Variants in ZC3H13 observed in about 807,000 individuals in gnomAD.
ZC3H13 encodes zinc finger CCCH domain-containing protein 13.
A neutral mutation model predicts 204.1 loss-of-function variants in ZC3H13; 64 were observed. That is an observed-to-expected ratio of 0.31 (90% confidence interval 0.26 to 0.39). The LOEUF is 0.39. Among genes scored for constraint, ZC3H13 ranks in the 10% least tolerant of loss-of-function variants. ZC3H13 has a pLI of 1.00. For synonymous variants in ZC3H13, 667 were observed against 693.7 expected (o/e 0.96, Z 0.60); for missense variants, 1,833 against 2,082.7 (o/e 0.88, Z 2.33).
chr13:45,994,940 C>G (rs2040224028), intron 8 of ZC3H13, among the ~76,000 whole-genome samples: 1 of 151,678 alleles, frequency 6.6e-6, no homozygotes, highest in Non-Finnish European at 1.5e-5. Flanking sequence ...TTTTGAAATC[C>G]CTGCCAATGG....
intron 9 of ZC3H13, among the ~76,000 whole-genome samples, chr13:45,986,565 T>A (rs1954214821): frequency 6.6e-6 from 1 of 152,238 alleles, no homozygotes; most frequent in South Asian, 2.1e-4. Flanking sequence ...AAAACTTAGA[T>A]GGCTTAGTCA....
intron 12 of ZC3H13, among the ~76,000 whole-genome samples, chr13:45,974,623 T>C (rs1952861354): frequency 6.6e-6 from 1 of 152,182 alleles, no homozygotes; most frequent in Non-Finnish European, 1.5e-5. Flanking sequence ...TTTTCTCTCA[T>C]CTTCGAACCA....
In ZC3H13 at chr13:45,979,833, C is replaced by T. The variant is rs767492175; in HGVS notation, c.1892G>A (p.Arg631His). The change falls in exon 11 of 19, where the codon CGT becomes CAT. Residue 631 changes from arginine (R) to histidine (H), a missense_variant. Around this residue, in one of 5 missense-constraint regions of ZC3H13, gnomAD observed 1,574 missense variants for 1,757.2 expected, o/e 0.90. Coordinates refer to ENST00000679008, the MANE Select transcript of ZC3H13 (RefSeq NM_001330564.2). The part of the protein sequence containing the change: ...SFERRHGERD[R>H]RDNRERDQRP... ...CAAACCTCTCTCTCTGTTGTCACGACGGTCTCGCTCTCCATGTCTTCTCTC... is the reference window on the plus strand; with the variant it reads ...CAAACCTCTCTCTCTGTTGTCACGATGGTCTCGCTCTCCATGTCTTCTCTC... The T allele has an allele frequency of 8.8e-6, 14 of 1,586,954 alleles. No homozygotes were observed. The highest frequency in any genetic ancestry group is 5.5e-5 in the African/African-American group (4 of 72,658).
At chr13:46,045,215 G>T in intron 2 of ZC3H13, 151 bp from the exon 3 acceptor site, 1 of 963,780 alleles carries the variant, frequency 1.0e-6, no homozygotes, top group Non-Finnish European at 1.5e-6. Flanking sequence ...AAAAAAATAT[G>T]GAAAAACCCA....
At chr13:45,983,269 T>G (rs1314394642) in intron 10 of ZC3H13, among the ~76,000 whole-genome samples, 1 of 150,744 alleles carries the variant, frequency 6.6e-6, no homozygotes, top group Non-Finnish European at 1.5e-5. Context: ...TTCTGACAAC[T>G]AAAATGGGGG....
intron 17 of ZC3H13, chr13:45,962,746 A>T: frequency 7.1e-6 from 7 of 985,308 alleles, no homozygotes; most frequent in Non-Finnish European, 8.4e-6. Flanking sequence ...TTTAATACTA[A>T]CTAAACTTTT....
intron 2 of ZC3H13, 21 bp downstream of exon 2, chr13:46,045,370 A>T: frequency 6.3e-7 from 1 of 1,579,574 alleles, no homozygotes; most frequent in South Asian, 1.1e-5. Context: ...AACCCCTGTG[A>T]CTATACTAGT....
intron 7 of ZC3H13, 139 bp downstream of exon 7, chr13:46,010,209 T>C (rs1020117513): frequency 2.3e-6 from 2 of 873,922 alleles, no homozygotes; most frequent in Non-Finnish European, 3.1e-6. Context: ...AATTGAAACA[T>C]TTCAAATTTC....
rs776596254 is a variant in ZC3H13, at chr13:45,969,978, A to G, written c.2573-7T>C. ...AAGAGTCTGTGTTTTTCATCTATAT[A>G]AAAGATAAAAGCAATCACACTCTCA... is the stretch of plus-strand genomic sequence containing the variant. On this transcript the variant is annotated splice_region_variant and splice_polypyrimidine_tract_variant and intron_variant, in intron 13 of 18. Coordinates refer to ENST00000679008, the MANE Select transcript of ZC3H13 (RefSeq NM_001330564.2). 8 of 1,594,426 alleles carry G rather than the reference A, an allele frequency of 5.0e-6. No individual in the cohort carries two copies. The highest frequency in any genetic ancestry group is 4.5e-5 in the South Asian group (4 of 88,368).
chr13:45,986,858 G>A (rs143732444), intron 9 of ZC3H13, among the ~76,000 whole-genome samples: 83 of 152,152 alleles, frequency 5.5e-4, no homozygotes, highest in African/African-American at 1.9e-3. Context: ...CTTTCTCATG[G>A]ACCCAAACAT....
chr13:45,959,764 A>G, intron 17 of ZC3H13, 118 bp from the exon 18 acceptor site: 1 of 1,128,212 alleles, frequency 8.9e-7, no homozygotes, highest in Non-Finnish European at 1.2e-6. Context: ...ATTGGTGAAA[A>G]TTATTTCACA....
Position 45,985,755 on chromosome 13 carries a change from C to G in ZC3H13, c.1262G>C (p.Arg421Thr), listed in dbSNP as rs760458470. 21 of 1,596,406 alleles carry G rather than the reference C, an allele frequency of 1.3e-5. No individual in the cohort carries two copies. The highest frequency in any genetic ancestry group is 1.8e-5 in the Non-Finnish European group (21 of 1,174,222). ...GTCCTTTTCTCTGTCTCGTTTGCCC[C>G]TAGTATCTGTAATGCAATTTTGGAA... is the stretch of plus-strand genomic sequence containing the variant. ...DRRHERREDT[R>T]GKRDREKDSR... Residue 421 changes from arginine to threonine, a missense_variant, in exon 10 of 19, where the codon AGG (arginine) becomes ACG (threonine). By Grantham distance (71) the Arg-to-Thr change is moderately conservative. This residue lies in a region of ZC3H13 where 1,574 missense variants were observed against 1,757.2 expected (regional missense o/e 0.90). Transcript: ENST00000679008.
chr13:45,967,852 G>T lies in ZC3H13; in HGVS notation c.3973C>A (p.Arg1325=). The T allele has an allele frequency of 6.2e-7, 1 of 1,613,612 alleles. No individual in the cohort carries two copies. The highest frequency in any genetic ancestry group is 2.2e-5 in the East Asian group (1 of 44,854). Reference sequence around the variant, plus strand: ...CGTGGCCAATCTTTATCAGCATCTCGGTCCCATTCTCTCTGCCTCGTATCT... The same window carrying T: ...CGTGGCCAATCTTTATCAGCATCTCTGTCCCATTCTCTCTGCCTCGTATCT... ...RRDTRQREWD[R]DADKDWPRNR... Residue 1325 remains arginine (R), a synonymous_variant, in exon 15 of 19, where the codon CGA becomes AGA. Coordinates refer to ENST00000679008, the MANE Select transcript of ZC3H13 (RefSeq NM_001330564.2).
chr13:45,971,006 G>A (rs1021616797), intron 12 of ZC3H13, among the ~76,000 whole-genome samples: 1 of 152,172 alleles, frequency 6.6e-6, no homozygotes. Flanking sequence ...GGTGGGAAAT[G>A]AGAGTCCATT....
At chr13:45,959,753 C>T (rs1446286348) in intron 17 of ZC3H13, 107 bp from the exon 18 acceptor site, 1 of 1,236,268 alleles carries the variant, frequency 8.1e-7, no homozygotes, top group Non-Finnish European at 1.1e-6. Context: ...AAGTTAGCAA[C>T]ATTGGTGAAA....
intron 8 of ZC3H13, among the ~76,000 whole-genome samples, chr13:45,991,289 T>A (rs2039952976): frequency 6.6e-6 from 1 of 152,148 alleles, no homozygotes; most frequent in African/African-American, 2.4e-5. Context: ...AAAAAACACA[T>A]TAGGGTCCAA....
intron 10 of ZC3H13, among the ~76,000 whole-genome samples, chr13:45,984,370 T>C (rs1953985506): frequency 6.6e-6 from 1 of 152,072 alleles, no homozygotes; most frequent in African/African-American, 2.4e-5. Context: ...ACCATGTAAA[T>C]ACATAATTTA....
At chr13:45,964,625 T>C (rs1951938559) in intron 16 of ZC3H13, among the ~76,000 whole-genome samples, 1 of 152,042 alleles carries the variant, frequency 6.6e-6, no homozygotes, top group Admixed American at 6.5e-5. Context: ...TAGAAAAAAT[T>C]GCAAAATATA....
rs34502226 is a variant in ZC3H13, at chr13:45,988,791, C to T, written c.1251G>A (p.Arg417=). The change falls in exon 9 of 19, where the codon AGG becomes AGA. Residue 417 remains arginine, a synonymous_variant. Transcript: ENST00000679008. ...AAATCAAAGTACAGTACACACCTTCCCTCCTTTCATGGCGTCGATCATGAG... is the reference window on the plus strand; with the variant it reads ...AAATCAAAGTACAGTACACACCTTCTCTCCTTTCATGGCGTCGATCATGAG... The part of the protein sequence containing the change: ...SQSHDRRHER[R]EDTRGKRDRE... The T allele has an allele frequency of 0.012, 18,779 of 1,611,582 alleles. 129 individuals carry two copies. The highest frequency in any genetic ancestry group is 0.014 in the Non-Finnish European group (16,463 of 1,178,068).
Sources: allele counts gnomAD v4.1 joint callset (sites outside exome capture counted in the v4.1 genomes callset), GRCh38; gene constraint gnomAD v4.1.1; regional missense constraint gnomAD v4.1.1; transcripts MANE v1.5; gene names NCBI Gene and HGNC (gene_info 2026-07-23, HGNC 2026-07-21).